CWF19L2: variants seen among roughly 807,000 people sequenced by gnomAD.
The protein encoded by CWF19L2 is CWF19-like protein 2.
Under a neutral mutation model 111.7 loss-of-function variants are expected in CWF19L2, and 98 were observed. The observed-to-expected ratio is 0.88, with a 90% CI of 0.75 to 1.04. CWF19L2 has a LOEUF of 1.04. Ranked by LOEUF, CWF19L2 falls within the 50% of genes least tolerant of loss-of-function variation. The pLI is 0.00. For synonymous variants in CWF19L2, 351 were observed against 342.9 expected (o/e 1.02, Z -0.26); for missense variants, 1,101 against 1,051.4 (o/e 1.05, Z -0.65).
At chr11:107,329,353 C>T (rs75307503) in intron 17 of CWF19L2, among the ~76,000 whole-genome samples, 4 of 152,064 alleles carry the variant, frequency 2.6e-5, no homozygotes, top group Admixed American at 1.3e-4. Context: ...AAACTATCAG[C>T]GTAAAATGAG....
chr11:107,378,482 T>C (rs1202956110), intron 12 of CWF19L2, among the ~76,000 whole-genome samples: 21 of 151,962 alleles, frequency 1.4e-4, no homozygotes, highest in Admixed American at 2.6e-4. Context: ...ATGGATGAAA[T>C]TGGAAATCAT....
intron 12 of CWF19L2, among the ~76,000 whole-genome samples, chr11:107,356,154 C>CA (rs1860234436): frequency 6.6e-6 from 1 of 151,690 alleles, no homozygotes; most frequent in African/African-American, 2.4e-5. Context: ...ACAACAACAA[C>CA]AAAAAAAGAC....
chr11:107,341,550 T>G (rs1041179901), intron 14 of CWF19L2, among the ~76,000 whole-genome samples: 3 of 152,160 alleles, frequency 2.0e-5, no homozygotes, highest in Non-Finnish European at 4.4e-5. Flanking sequence ...TGTAGCTATT[T>G]TATTTAACTG....
At chr11:107,363,323 T>C (rs879387295) in intron 12 of CWF19L2, among the ~76,000 whole-genome samples, 36 of 152,102 alleles carry the variant, frequency 2.4e-4, no homozygotes, top group African/African-American at 4.8e-4. Context: ...GTACAGAGAA[T>C]GCCACAAAGA....
chr11:107,334,803 T>C (rs919441524), intron 16 of CWF19L2, 78 bp downstream of exon 16: 53 of 928,732 alleles, frequency 5.7e-5, no homozygotes, highest in Non-Finnish European at 8.3e-5. Flanking sequence ...AATGGTCCCT[T>C]TGTCAACTAA....
intron 7 of CWF19L2, among the ~76,000 whole-genome samples, chr11:107,431,004 TA>T (rs1247482097): frequency 3.3e-5 from 5 of 150,436 alleles, no homozygotes; most frequent in Admixed American, 6.6e-5. Context: ...ACATAAAAAA[TA>T]AAAAAATAAA....
intron 2 of CWF19L2, among the ~76,000 whole-genome samples, chr11:107,455,316 T>A (rs79059631): frequency 0.028 from 4,192 of 152,012 alleles, 108 homozygotes; most frequent in East Asian, 0.11. Flanking sequence ...AAATAATTTT[T>A]AAAAAAATTA....
intron 14 of CWF19L2, among the ~76,000 whole-genome samples, chr11:107,339,765 G>A (rs621612): frequency 0.27 from 41,177 of 149,932 alleles, 5,750 homozygotes; most frequent in East Asian, 0.36. Flanking sequence ...TCCCAGGTTC[G>A]GGTGATTCTC....
intron 3 of CWF19L2, among the ~76,000 whole-genome samples, chr11:107,443,344 G>T (rs546219861): frequency 6.6e-6 from 1 of 152,020 alleles, no homozygotes; most frequent in African/African-American, 2.4e-5. Flanking sequence ...TTAGCCAAGC[G>T]TGGTGGCGCA....
At chr11:107,391,282 C>T (rs753442879) in intron 11 of CWF19L2, among the ~76,000 whole-genome samples, 4 of 152,068 alleles carry the variant, frequency 2.6e-5, no homozygotes, top group South Asian at 2.1e-4. Context: ...TAATACAGTA[C>T]CTCTATTAAA....
chr11:107,342,963 G>A (rs1343133282), intron 14 of CWF19L2, among the ~76,000 whole-genome samples: 1 of 152,084 alleles, frequency 6.6e-6, no homozygotes, highest in East Asian at 1.9e-4. Context: ...AAGAGGTAAG[G>A]AATAGATTCT....
At chr11:107,401,678 A>C (rs1861001996) in intron 10 of CWF19L2, among the ~76,000 whole-genome samples, 1 of 152,182 alleles carries the variant, frequency 6.6e-6, no homozygotes, top group African/African-American at 2.4e-5. Flanking sequence ...TACAAATTCA[A>C]CACAATCCCC....
intron 10 of CWF19L2, among the ~76,000 whole-genome samples, chr11:107,408,874 CAAT>C (rs1291140653): frequency 1.3e-5 from 2 of 151,956 alleles, no homozygotes; most frequent in South Asian, 2.1e-4. Flanking sequence ...TGCAAAGCTA[CAAT>C]AATGTTTACT....
intron 3 of CWF19L2, among the ~76,000 whole-genome samples, chr11:107,451,474 A>C (rs1019953082): frequency 6.6e-6 from 1 of 151,180 alleles, no homozygotes; most frequent in Admixed American, 6.6e-5. Flanking sequence ...AATAGAAAAC[A>C]CACAACCAGA....
intron 12 of CWF19L2, among the ~76,000 whole-genome samples, chr11:107,373,558 G>T: frequency 8.7e-6 from 1 of 114,632 alleles, no homozygotes; most frequent in Non-Finnish European, 1.9e-5. Flanking sequence ...GCAGCTGAGG[G>T]TCCTGTCTGT....
At chr11:107,400,824 C>A (rs2135384195) in intron 10 of CWF19L2, among the ~76,000 whole-genome samples, 1 of 152,262 alleles carries the variant, frequency 6.6e-6, no homozygotes, top group African/African-American at 2.4e-5. Flanking sequence ...TAACAAAATA[C>A]TAGCTAACCG....
intron 12 of CWF19L2, among the ~76,000 whole-genome samples, chr11:107,381,123 G>A (rs1190552007): frequency 6.6e-6 from 1 of 152,052 alleles, no homozygotes; most frequent in South Asian, 2.1e-4. Context: ...TTCTGTCTGA[G>A]ATAATGAAAA....
chr11:107,446,316 C>T (rs1861701815), intron 3 of CWF19L2, among the ~76,000 whole-genome samples: 1 of 152,186 alleles, frequency 6.6e-6, no homozygotes, highest in Non-Finnish European at 1.5e-5. Flanking sequence ...TATTTACATA[C>T]ATACACACAT....
At chr11:107,395,723 C>A (rs1047375758) in intron 10 of CWF19L2, among the ~76,000 whole-genome samples, 1 of 152,208 alleles carries the variant, frequency 6.6e-6, no homozygotes, top group Non-Finnish European at 1.5e-5. Context: ...ATTATCCCTT[C>A]TTGCTCAACT....
Sources: gnomAD v4.1 joint callset for allele counts (sites outside exome capture counted in the v4.1 genomes callset) on GRCh38, gnomAD v4.1.1 for gene constraint, MANE v1.5 for transcripts, NCBI Gene and HGNC (gene_info 2026-07-23, HGNC 2026-07-21) for gene names.